The following CSMD2 variants were observed in gnomAD, a reference collection of about 807,000 sequenced individuals.
CSMD2 encodes the protein CUB and Sushi multiple domains 2.
Under a neutral mutation model 398.5 loss-of-function variants are expected in CSMD2, and 130 were observed. The ratio of observed to expected loss-of-function variants is 0.33; its 90% CI spans 0.28 to 0.38. The LOEUF (loss-of-function observed/expected upper bound fraction) is 0.38. Among genes scored for constraint, CSMD2 ranks in the 10% least tolerant of loss-of-function variants. CSMD2 has a pLI of 1.00. For missense variants in CSMD2, 3,829 were observed against 4,764.9 expected (o/e 0.80, Z 5.78); for synonymous variants, 1,828 against 1,908.5 (o/e 0.96, Z 1.10).
chr1:33,544,831 TTATATATATA>T (rs56072818), intron 57 of CSMD2, among the ~76,000 whole-genome samples: 3 of 141,982 alleles, frequency 2.1e-5, no homozygotes, highest in African/African-American at 8.1e-5. Flanking sequence ...CACTGTGCAT[TTATATATATA>T]TATATATATA....
chr1:33,954,328 A>G (rs528947113), intron 3 of CSMD2, among the ~76,000 whole-genome samples: 1 of 151,908 alleles, frequency 6.6e-6, no homozygotes, highest in Non-Finnish European at 1.5e-5. Context: ...CTGGGTTGCT[A>G]TGGAAACCTG....
intron 2 of CSMD2, among the ~76,000 whole-genome samples, chr1:34,082,306 C>T (rs575064397): frequency 1.3e-4 from 19 of 150,476 alleles, no homozygotes; most frequent in African/African-American, 4.7e-4. Flanking sequence ...GTGAGGAGCC[C>T]CTCTGCCCGG....
rs1222946731 is a variant in CSMD2, at chr1:33,633,280, A to G, written c.5200+142T>C. The G allele has an allele frequency of 3.0e-6, 2 of 661,824 alleles. No individual in the cohort carries two copies. The highest frequency in any genetic ancestry group is 1.8e-5 in the African/African-American group (1 of 55,372). 41.0% of individuals were successfully genotyped at this position (661,824 alleles called of 1,614,324 possible). On this transcript the variant is annotated intron_variant, in intron 32 of 70. Coordinates refer to ENST00000373381, the MANE Select transcript of CSMD2 (RefSeq NM_001281956.2). This position sits in a 1 kb window ranked among gnomAD's most constrained non-coding sequence, Gnocchi z 5.0. ...TCTCACGAGCTGGCTGCTGCGTTGT[A>G]GACAAGCACCAGAACACGACAGGCA...
At chr1:33,907,122 T>G (rs1433281762) in intron 5 of CSMD2, among the ~76,000 whole-genome samples, 7 of 145,914 alleles carry the variant, frequency 4.8e-5, no homozygotes, top group Non-Finnish European at 9.1e-5. Flanking sequence ...TATCTTTTTT[T>G]TTTTTTTTTT....
chr1:34,160,320 G>A (rs1641213412), intron 1 of CSMD2, among the ~76,000 whole-genome samples: 1 of 152,214 alleles, frequency 6.6e-6, no homozygotes, highest in African/African-American at 2.4e-5. Context: ...GATTGCAAAT[G>A]GAAATTCAAA....
chr1:33,641,354 T>C (rs1319458318), intron 29 of CSMD2, among the ~76,000 whole-genome samples: 1 of 152,218 alleles, frequency 6.6e-6, no homozygotes, highest in Non-Finnish European at 1.5e-5. Context: ...TGTGCGTGGA[T>C]GTTTCAGCAC....
At chr1:33,534,691 T>C (rs969305910) in intron 62 of CSMD2, among the ~76,000 whole-genome samples, 3 of 152,250 alleles carry the variant, frequency 2.0e-5, no homozygotes, top group Non-Finnish European at 4.4e-5. Context: ...GCAAATGCAA[T>C]GTGTAACTCT....
chr1:34,081,038 A>G (rs1451574331), intron 2 of CSMD2, among the ~76,000 whole-genome samples: 1 of 152,188 alleles, frequency 6.6e-6, no homozygotes, highest in Non-Finnish European at 1.5e-5. Flanking sequence ...AGAAAGGTTG[A>G]GTGGGAAAAC....
chr1:33,656,544 G>T (rs1043229972), intron 27 of CSMD2, among the ~76,000 whole-genome samples: 2 of 152,212 alleles, frequency 1.3e-5, no homozygotes, highest in African/African-American at 4.8e-5. Context: ...AGTCCTCAGA[G>T]GCCTGGGCAG....
At chr1:33,672,504 C>T (rs1476365709) in intron 25 of CSMD2, among the ~76,000 whole-genome samples, 2 of 152,200 alleles carry the variant, frequency 1.3e-5, no homozygotes, top group African/African-American at 4.8e-5. Context: ...CTCAAGGAGC[C>T]CTGCCTGCCT....
intron 25 of CSMD2, among the ~76,000 whole-genome samples, chr1:33,676,233 C>T (rs2149046240): frequency 6.6e-6 from 1 of 152,254 alleles, no homozygotes; most frequent in East Asian, 1.9e-4. Context: ...CCAAAATCTC[C>T]TTAAGCTGAT....
intron 1 of CSMD2, among the ~76,000 whole-genome samples, chr1:34,158,211 C>T (rs1045894263): frequency 1.3e-5 from 2 of 152,212 alleles, no homozygotes; most frequent in African/African-American, 4.8e-5. Context: ...ATAGCCCACT[C>T]TTTGCTTTCT....
chr1:33,738,560 G>A (rs963600209), intron 15 of CSMD2, among the ~76,000 whole-genome samples: 3 of 152,128 alleles, frequency 2.0e-5, no homozygotes, highest in South Asian at 2.1e-4. Flanking sequence ...CTTGTGTGGC[G>A]AGGCAGGACT....
intron 6 of CSMD2, among the ~76,000 whole-genome samples, chr1:33,844,053 C>T (rs1219503273): frequency 1.3e-5 from 2 of 152,206 alleles, no homozygotes; most frequent in Non-Finnish European, 2.9e-5. Context: ...TTCACTAAAC[C>T]CTCTACCGTT....
At chr1:34,069,885 CA>C (rs963725838) in intron 2 of CSMD2, among the ~76,000 whole-genome samples, 2 of 152,112 alleles carry the variant, frequency 1.3e-5, no homozygotes, top group African/African-American at 2.4e-5. Flanking sequence ...AACATTTGTG[CA>C]ATTTAAATCT....
rs140358859 is a variant in CSMD2, at chr1:33,558,223, G to A, written c.8555-301C>T. Among the ~76,000 whole-genome samples, 293 of 151,214 alleles carry A rather than the reference G, an allele frequency of 1.9e-3. 1 individual carries two copies. Among genetic ancestry groups the A allele is most frequent in the East Asian group, 0.011 (55 of 5,182 alleles). ...TGTGCTGTGACTTGTTTGAACACAC[G>A]AGTCCCTTGAGGGCATGAATGTCTA... On this transcript the variant is annotated intron_variant, in intron 54 of 70. Transcript: ENST00000373381.
chr1:33,970,222 T>C (rs1417803642), intron 3 of CSMD2, among the ~76,000 whole-genome samples: 2 of 151,850 alleles, frequency 1.3e-5, no homozygotes, highest in Non-Finnish European at 2.9e-5. Context: ...AATGAGTGAG[T>C]GAGTGTGTAT....
chr1:33,986,606 C>T (rs895069751), intron 3 of CSMD2, among the ~76,000 whole-genome samples: 10 of 152,306 alleles, frequency 6.6e-5, no homozygotes, highest in East Asian at 1.9e-4. Context: ...GTTCCCTAAT[C>T]CCAGTTCCTC....
chr1:33,655,334 A>G (rs1238968492), intron 27 of CSMD2, among the ~76,000 whole-genome samples: 1 of 152,248 alleles, frequency 6.6e-6, no homozygotes, highest in Non-Finnish European at 1.5e-5. Context: ...GTAAAAGAAT[A>G]ATGATGATAA....
Sources: gnomAD v4.1 joint callset for allele counts (sites outside exome capture counted in the v4.1 genomes callset) on GRCh38, gnomAD v4.1.1 for gene constraint, Gnocchi (gnomAD v3.1) non-coding constraint, MANE v1.5 for transcripts, NCBI Gene and HGNC (gene_info 2026-07-23, HGNC 2026-07-21) for gene names.